The following EEFSEC variants were observed in gnomAD, a reference collection of about 807,000 sequenced individuals.
EEFSEC encodes selenocysteine-specific elongation factor.
Under a neutral mutation model 42.1 loss-of-function variants are expected in EEFSEC, and 43 were observed. The observed-to-expected ratio is 1.02, with a 90% CI of 0.80 to 1.32. The LOEUF is 1.32. Among genes scored for constraint, EEFSEC ranks in the 40% most tolerant of loss-of-function variants. The pLI, the probability that EEFSEC is intolerant of heterozygous loss-of-function variation, is 0.00. For synonymous variants in EEFSEC, 354 were observed against 339.1 expected (o/e 1.04, Z -0.48); for missense variants, 745 against 803.6 (o/e 0.93, Z 0.88).
At chr3:128,264,494 C>G in intron 3 of EEFSEC, 123 bp from the exon 4 acceptor site, 1 of 1,153,100 alleles carries the variant, frequency 8.7e-7, no homozygotes. Flanking sequence ...GCATGGACCT[C>G]TGAGCTGAGT....
At chr3:128,383,905 G>T (rs1428216978) in intron 6 of EEFSEC, among the ~76,000 whole-genome samples, 2 of 152,246 alleles carry the variant, frequency 1.3e-5, no homozygotes, top group Non-Finnish European at 2.9e-5. Flanking sequence ...GCCCACTGTG[G>T]CAGGGTAGGA....
intron 1 of EEFSEC, among the ~76,000 whole-genome samples, chr3:128,161,073 T>C (rs1369321227): frequency 1.3e-5 from 2 of 152,172 alleles, no homozygotes; most frequent in African/African-American, 4.8e-5. Flanking sequence ...AGTTAGTAAG[T>C]GTCAGAACTA....
At chr3:128,239,173 C>G (rs2066044180) in intron 1 of EEFSEC, among the ~76,000 whole-genome samples, 1 of 152,196 alleles carries the variant, frequency 6.6e-6, no homozygotes, top group Non-Finnish European at 1.5e-5. Context: ...CGTGAGGGGC[C>G]AGCTCCTGGG....
intron 1 of EEFSEC, among the ~76,000 whole-genome samples, chr3:128,194,420 A>G (rs883238): frequency 0.42 from 64,600 of 152,082 alleles, 16,443 homozygotes; most frequent in African/African-American, 0.71. Flanking sequence ...CAGTGGCTGG[A>G]TGGGACTGGG....
intron 1 of EEFSEC, among the ~76,000 whole-genome samples, chr3:128,236,884 AC>A (rs1230571459): frequency 6.6e-6 from 1 of 152,214 alleles, no homozygotes; most frequent in African/African-American, 2.4e-5. Context: ...AGCCTCTCTG[AC>A]CCTACTGTGA....
At chr3:128,232,912 G>A (rs1328503169) in intron 1 of EEFSEC, among the ~76,000 whole-genome samples, 3 of 152,238 alleles carry the variant, frequency 2.0e-5, no homozygotes, top group African/African-American at 4.8e-5. Flanking sequence ...GGCCCTGACA[G>A]GAGCTTGGAA....
chr3:128,156,104 A>C (rs148977582), intron 1 of EEFSEC, among the ~76,000 whole-genome samples: 160 of 152,350 alleles, frequency 1.1e-3, no homozygotes, highest in African/African-American at 3.6e-3. Flanking sequence ...AGGGTAGATG[A>C]GTGGTGAAGG....
intron 6 of EEFSEC, among the ~76,000 whole-genome samples, chr3:128,361,736 T>G (rs2067528012): frequency 1.3e-5 from 2 of 152,186 alleles, no homozygotes; most frequent in Admixed American, 1.3e-4. Context: ...AGCCCCGTAT[T>G]TACAAAACAT....
At chr3:128,357,462 C>A (rs2067468422) in intron 5 of EEFSEC, among the ~76,000 whole-genome samples, 1 of 152,224 alleles carries the variant, frequency 6.6e-6, no homozygotes, top group South Asian at 2.1e-4. Flanking sequence ...CCAACAGGGG[C>A]CAGGGAAACG....
At chr3:128,347,449 A>G (rs914043136) in intron 5 of EEFSEC, among the ~76,000 whole-genome samples, 1 of 152,228 alleles carries the variant, frequency 6.6e-6, no homozygotes, top group African/African-American at 2.4e-5. Flanking sequence ...AAGTAAAAAT[A>G]TAGAAATATG....
intron 1 of EEFSEC, among the ~76,000 whole-genome samples, chr3:128,208,528 C>T (rs1190251211): frequency 6.6e-6 from 1 of 152,238 alleles, no homozygotes; most frequent in South Asian, 2.1e-4. Flanking sequence ...TGTTAGTGCC[C>T]AAGGCAATCT....
intron 1 of EEFSEC, among the ~76,000 whole-genome samples, chr3:128,207,566 T>TAC (rs10574435): frequency 0.23 from 32,325 of 142,340 alleles, 3,571 homozygotes; most frequent in South Asian, 0.32. Context: ...ACACATTGCA[T>TAC]ACACACACAC....
the EEFSEC span, among the ~76,000 whole-genome samples, chr3:128,417,163 G>A: frequency 2.7e-4 from 41 of 152,118 alleles, no homozygotes; most frequent in Non-Finnish European, 3.7e-4. This position sits in a 1 kb window ranked among gnomAD's most constrained non-coding sequence, Gnocchi z 4.3. Context: ...CTGCTCTGCC[G>A]GCTGCAGCCG....
Position 128,301,387 on chromosome 3 carries a change from G to A in EEFSEC, c.786+36606G>A, listed in dbSNP as rs144319603. Among the ~76,000 whole-genome samples, 82 of 152,300 alleles carry A rather than the reference G, an allele frequency of 5.4e-4. No homozygotes were observed. In the East Asian group the frequency reaches 0.013, roughly 23 times the overall value. ...CCCCTGTGAAGCCTGATCATGCCTA[G>A]GCTGTGAACCTCTCCTGGGCCTGGG... On this transcript the variant is annotated intron_variant, in intron 4 of 6. Coordinates refer to ENST00000254730, the MANE Select transcript of EEFSEC (RefSeq NM_021937.5).
At chr3:128,211,478 C>A (rs2065755559) in intron 1 of EEFSEC, among the ~76,000 whole-genome samples, 1 of 151,776 alleles carries the variant, frequency 6.6e-6, no homozygotes, top group Non-Finnish European at 1.5e-5. Context: ...CTTGACAATA[C>A]AACATGTAAA....
chr3:128,264,608 C>A lies in EEFSEC; in HGVS notation c.622-9C>A. On this transcript the variant is annotated splice_polypyrimidine_tract_variant and intron_variant, in intron 3 of 6. Coordinates refer to ENST00000254730, the MANE Select transcript of EEFSEC (RefSeq NM_021937.5). Reference sequence around the variant, plus strand: ...CCCACGGACTGTGGCACCAGTTTCTCTTTTCTAGCTCCTGACGTCCCAGAT... The same window carrying A: ...CCCACGGACTGTGGCACCAGTTTCTATTTTCTAGCTCCTGACGTCCCAGAT... The A allele has an allele frequency of 6.2e-7, 1 of 1,613,004 alleles. No homozygotes were observed. The highest frequency in any genetic ancestry group is 8.5e-7 in the Non-Finnish European group (1 of 1,179,330).
At chr3:128,348,295 T>TGTGTGTGTGTGTGTGC (rs2067341485) in intron 5 of EEFSEC, among the ~76,000 whole-genome samples, 1 of 150,120 alleles carries the variant, frequency 6.7e-6, no homozygotes, top group African/African-American at 2.4e-5. Flanking sequence ...TGTGTGTGCG[T>TGTGTGTGTGTGTGTGC]GTGTGTGTGT....
intron 1 of EEFSEC, among the ~76,000 whole-genome samples, chr3:128,214,922 G>A (rs1429483388): frequency 6.6e-6 from 1 of 152,180 alleles, no homozygotes. Flanking sequence ...AGGAGGAGGA[G>A]GTAACAGCAA....
intron 6 of EEFSEC, among the ~76,000 whole-genome samples, chr3:128,374,313 C>A (rs1367399112): frequency 6.6e-6 from 1 of 151,988 alleles, no homozygotes; most frequent in Non-Finnish European, 1.5e-5. Flanking sequence ...AAGGGCTGTG[C>A]TTGTAGACTT....
Sources: gnomAD v4.1 joint callset for allele counts (sites outside exome capture counted in the v4.1 genomes callset) on GRCh38, gnomAD v4.1.1 for gene constraint, Gnocchi (gnomAD v3.1) non-coding constraint, MANE v1.5 for transcripts, NCBI Gene and HGNC (gene_info 2026-07-23, HGNC 2026-07-21) for gene names.